PPWD1: variants seen among roughly 807,000 people sequenced by gnomAD.
The protein encoded by PPWD1 is peptidylprolyl isomerase domain and WD repeat-containing protein 1.
PPWD1 carries 43 observed loss-of-function variants against 68.8 expected under a neutral mutation model. The ratio of observed to expected loss-of-function variants is 0.62; its 90% confidence interval spans 0.49 to 0.81. The LOEUF is 0.81. PPWD1 is among the 30% of genes least tolerant of loss of function. PPWD1 has a pLI of 0.00. For synonymous variants in PPWD1, 232 were observed against 258.7 expected, an observed-to-expected ratio of 0.90 and a Z score of 0.99; for missense variants, 672 against 804.8, an observed-to-expected ratio of 0.83 and a Z score of 2.00.
chr5:65,566,838 G>A (rs1268475400), intron 1 of PPWD1, among the ~76,000 whole-genome samples: 1 of 122,154 alleles, frequency 8.2e-6, no homozygotes, highest in Non-Finnish European at 1.7e-5. Context: ...TTTTTTGCTA[G>A]TAAAATTGTT....
intron 5 of PPWD1, among the ~76,000 whole-genome samples, chr5:65,573,461 A>ATT (rs1753107773): frequency 1.5e-5 from 1 of 68,442 alleles, no homozygotes; most frequent in African/African-American, 7.6e-5. Flanking sequence ...CTTAGCTAAT[A>ATT]TATATATATA....
chr5:65,565,651 C>T (rs1462386417), intron 1 of PPWD1, among the ~76,000 whole-genome samples: 1 of 151,438 alleles, frequency 6.6e-6, no homozygotes. Context: ...ACTAAAAATA[C>T]AAAAAAATTA....
chr5:65,573,469 ATATATATTTTTT>A (rs1753109153), intron 5 of PPWD1, among the ~76,000 whole-genome samples: 1 of 51,886 alleles, frequency 1.9e-5, no homozygotes, highest in Admixed American at 1.8e-4. Flanking sequence ...ATATATATAT[ATATATATTTTTT>A]TTTTATTAGA....
chr5:65,577,628 A>G (rs1385752007), intron 6 of PPWD1, among the ~76,000 whole-genome samples: 2 of 152,258 alleles, frequency 1.3e-5, no homozygotes, highest in African/African-American at 4.8e-5. Flanking sequence ...TCTTGGCAAT[A>G]CAAAATCTTT....
chr5:65,566,381 C>G (rs1016422029), intron 1 of PPWD1, among the ~76,000 whole-genome samples: 1 of 152,130 alleles, frequency 6.6e-6, no homozygotes, highest in Non-Finnish European at 1.5e-5. Context: ...CAGTTATATC[C>G]CAGTTCCAAG....
In PPWD1 at chr5:65,582,724, A is replaced by G. The variant is rs73097133; in HGVS notation, c.1351-314A>G. On this transcript the variant is annotated intron_variant, in intron 7 of 10. Coordinates refer to ENST00000261308, the MANE Select transcript of PPWD1 (RefSeq NM_015342.4). ...GGCATGTTAGGCCTTACTAGAAGGC[A>G]TAAGTCGAGAGCTACCACAAATGAA... The G allele has an allele frequency of 5.7e-3, 1,003 of 177,206 alleles. 8 individuals are homozygous for G. Among genetic ancestry groups the G allele is most frequent in the African/African-American group, 0.022 (945 of 42,272 alleles). 11.0% of individuals were successfully genotyped at this position (177,206 alleles called of 1,614,324 possible). A position where few individuals can be genotyped will look rare whatever the true frequency, so the allele number is the denominator to read the frequency against.
At chr5:65,583,320 A>G (rs1753682931) in intron 8 of PPWD1, 101 bp downstream of exon 8, 1 of 1,235,930 alleles carries the variant, frequency 8.1e-7, no homozygotes, top group East Asian at 2.6e-5. Flanking sequence ...CTTTGACTTA[A>G]GGAATTTTGA....
chr5:65,565,879 A>G (rs1752729466), intron 1 of PPWD1, among the ~76,000 whole-genome samples: 1 of 152,084 alleles, frequency 6.6e-6, no homozygotes, highest in Admixed American at 6.5e-5. Context: ...AAACATACAT[A>G]GAATGTTACA....
intron 6 of PPWD1, among the ~76,000 whole-genome samples, chr5:65,578,751 C>CATATGTGTATATATATATACAT (rs1753435508): frequency 1.4e-5 from 2 of 138,458 alleles, no homozygotes; most frequent in African/African-American, 5.5e-5. Context: ...TATATACACA[C>CATATGTGTATATATATATACAT]ATATATGTGT....
intron 2 of PPWD1, 56 bp downstream of exon 2, chr5:65,567,671 G>C: frequency 3.0e-6 from 3 of 994,918 alleles, no homozygotes; most frequent in African/African-American, 1.7e-5. Context: ...AAAAAAAAAA[G>C]CTTCAATTTT....
chr5:65,580,618 A>G (rs1310517375), intron 7 of PPWD1, among the ~76,000 whole-genome samples: 1 of 152,164 alleles, frequency 6.6e-6, no homozygotes, highest in African/African-American at 2.4e-5. Flanking sequence ...GGTTCCAGCA[A>G]TTCGCCTGCC....
In PPWD1 at chr5:65,580,672, C is replaced by A. The variant is rs77226014; in HGVS notation, c.1350+1059C>A. On this transcript the variant is annotated intron_variant, in intron 7 of 10. Transcript: ENST00000261308. ...GGGATTATAGGTGCATGCCACCATA[C>A]CCAGCTAATTTTTGTATTTTTAGTA... Among the ~76,000 whole-genome samples, 915 of 152,222 alleles carry A rather than the reference C, an allele frequency of 6.0e-3. 8 individuals are homozygous for A. The highest frequency in any genetic ancestry group is 0.02 in the African/African-American group (833 of 41,522).
chr5:65,569,601 G>T, intron 2 of PPWD1, 31 bp from the exon 3 acceptor site: 1 of 1,540,464 alleles, frequency 6.5e-7, no homozygotes, highest in South Asian at 1.2e-5. Flanking sequence ...ATCTGTCTTA[G>T]AAATTAACTT....
rs184778131 is a variant in PPWD1, at chr5:65,577,068, C to G, written c.1159C>G (p.Arg387Gly). ...TAAAGTTATAAATGTAGAGACAAAC[C>G]GGTAAGCTTTAATATGAGGTATGTT... ...GIKVINVETNRCVRILGKQEN... is the reference protein window; with the variant it reads ...GIKVINVETNGCVRILGKQEN... Residue 387 changes from arginine to glycine, a missense_variant and splice_region_variant, in exon 6 of 11, where the codon CGG (arginine) becomes GGG (glycine). Physicochemically the swap from Arg to Gly is moderately radical, Grantham distance 125. Coordinates refer to ENST00000261308, the MANE Select transcript of PPWD1 (RefSeq NM_015342.4). The G allele has an allele frequency of 6.2e-7, 1 of 1,608,622 alleles. No individual in the cohort carries two copies. Among genetic ancestry groups the G allele is most frequent in the Non-Finnish European group, 8.5e-7 (1 of 1,176,326 alleles).
rs1753390879 is a variant in PPWD1 at position 65,578,121 on chromosome 5, C to T, written c.1160+1052C>T. Reference sequence around the variant, plus strand: ...ACAGTATGTAGTCTGTCCAGATTGGCTCCTTTCGGTAATATGCATTTAAGT... The same window carrying T: ...ACAGTATGTAGTCTGTCCAGATTGGTTCCTTTCGGTAATATGCATTTAAGT... On this transcript the variant is annotated intron_variant, in intron 6 of 10. Coordinates refer to ENST00000261308, the MANE Select transcript of PPWD1 (RefSeq NM_015342.4). Among the ~76,000 whole-genome samples, 3 of 152,212 alleles carry T rather than the reference C, an allele frequency of 2.0e-5. No homozygotes were observed. In the South Asian group the frequency reaches 6.2e-4, roughly 31 times the overall value.
In PPWD1 at chr5:65,563,428, C is replaced by T. The variant is rs372057466; in HGVS notation, c.118C>T (p.Gln40Ter). The T allele has an allele frequency of 6.2e-7, 1 of 1,613,942 alleles. No homozygotes were observed. The highest frequency in any genetic ancestry group is 8.5e-7 in the Non-Finnish European group (1 of 1,180,018). The change falls in exon 1 of 11, where the codon CAG (glutamine) becomes TAG (stop). Residue 40 changes from glutamine to a stop codon, truncating the protein, a stop_gained. Transcript: ENST00000261308. LOFTEE classifies it high-confidence loss of function. ...GCTGGCAGTAGCAGTGGCGGTGTCC[C>T]AGGAGAACGATGAGGAGAACGAAGA... ...RELAVAVAVS[Q>*]ENDEENEERW... is the part of the protein sequence containing the mutation.
chr5:65,587,104 A>G, intron 10 of PPWD1, 149 bp from the exon 11 acceptor site: 1 of 897,220 alleles, frequency 1.1e-6, no homozygotes, highest in African/African-American at 1.7e-5. Flanking sequence ...AAGCTGCTAC[A>G]TTTTTATTGC....
At chr5:65,572,395 T>G (rs1323798278) in intron 5 of PPWD1, 109 bp downstream of exon 5, 5 of 1,178,188 alleles carry the variant, frequency 4.2e-6, no homozygotes, top group Non-Finnish European at 5.8e-6. Flanking sequence ...ATAGACTTAT[T>G]TTTTTCTTAG....
At chr5:65,573,471 A>T (rs1433188362) in intron 5 of PPWD1, among the ~76,000 whole-genome samples, 969 of 48,692 alleles carry the variant, frequency 0.02, 44 homozygotes, top group African/African-American at 0.08. Context: ...ATATATATAT[A>T]TATATTTTTT....
Sources: gnomAD v4.1 joint callset for allele counts (sites outside exome capture counted in the v4.1 genomes callset) on GRCh38, gnomAD v4.1.1 for gene constraint, MANE v1.5 for transcripts, NCBI Gene and HGNC (gene_info 2026-07-23, HGNC 2026-07-21) for gene names.